Variants in GLG1 observed in about 807,000 individuals in gnomAD.
GLG1 encodes Golgi apparatus protein 1.
Under a neutral mutation model 160.5 loss-of-function variants are expected in GLG1, and 38 were observed. The ratio of observed to expected loss-of-function variants is 0.24; its 90% CI spans 0.18 to 0.31. The LOEUF is 0.31. Among genes scored for constraint, GLG1 ranks in the 10% least tolerant of loss-of-function variants. The pLI is 1.00. For synonymous variants in GLG1, 644 were observed against 543.4 expected (o/e 1.19, Z -2.57); for missense variants, 1,373 against 1,505.2 (o/e 0.91, Z 1.45).
chr16:74,577,602 G>A (rs936450679), intron 1 of GLG1, among the ~76,000 whole-genome samples: 10 of 150,750 alleles, frequency 6.6e-5, no homozygotes, highest in African/African-American at 2.4e-4. Context: ...GACTTCACAC[G>A]AAAACATTCT....
intron 2 of GLG1, among the ~76,000 whole-genome samples, chr16:74,526,720 T>C (rs1277671932): frequency 1.3e-5 from 2 of 152,102 alleles, no homozygotes; most frequent in Non-Finnish European, 2.9e-5. Flanking sequence ...CAAGACCTTG[T>C]CTCAAAAAGC....
intron 19 of GLG1, chr16:74,463,928 A>C (rs1159161189): frequency 5.3e-6 from 1 of 187,172 alleles, no homozygotes; most frequent in East Asian, 1.4e-4. Flanking sequence ...GTAGAAGAAC[A>C]AATAAATCTG....
intron 20 of GLG1, 57 bp from the exon 21 acceptor site, chr16:74,462,687 T>C: frequency 6.6e-7 from 1 of 1,523,478 alleles, no homozygotes; most frequent in South Asian, 1.1e-5. Context: ...CACACATTTT[T>C]AGATATCCAC....
At chr16:74,475,222 A>G (rs973306800) in intron 12 of GLG1, among the ~76,000 whole-genome samples, 2 of 151,916 alleles carry the variant, frequency 1.3e-5, no homozygotes, top group Non-Finnish European at 2.9e-5. Context: ...CTACAAGTGC[A>G]AGGAGAATCA....
intron 2 of GLG1, among the ~76,000 whole-genome samples, chr16:74,529,778 C>T (rs1270659437): frequency 1.4e-5 from 2 of 139,612 alleles, no homozygotes; most frequent in Non-Finnish European, 3.1e-5. Flanking sequence ...TCAGCAGTAT[C>T]GTATCCTTCC....
At position 74,494,775 on chromosome 16, in the gene GLG1, T is replaced by C. The variant is rs775179517; in HGVS notation, c.1035A>G (p.Glu345=). ...TAATACTTACCTTTTCACTCATGGATTCTTCAAATTTATGGTTAAAGAGGC... is the reference window on the plus strand; with the variant it reads ...TAATACTTACCTTTTCACTCATGGACTCTTCAAATTTATGGTTAAAGAGGC... ...YKCLFNHKFE[E]SMSEKCREAL... The change falls in exon 6 of 26, where the codon GAA becomes GAG. Residue 345 remains glutamate (E), a synonymous_variant. Transcript: ENST00000422840. 4.2e-6 allele frequency: 6 copies of C among 1,434,090 alleles called. No individual in the cohort carries two copies. In the East Asian group the frequency reaches 1.1e-4, roughly 27 times the overall value. 88.8% of individuals were successfully genotyped at this position (1,434,090 alleles called of 1,614,324 possible).
At chr16:74,465,567 T>C in intron 19 of GLG1, 109 bp downstream of exon 19, 4 of 1,117,080 alleles carry the variant, frequency 3.6e-6, no homozygotes, top group Non-Finnish European at 5.2e-6. Context: ...CTGCTGCTCG[T>C]CTAGGGACCA....
chr16:74,567,046 A>G (rs753354728), intron 1 of GLG1, among the ~76,000 whole-genome samples: 9 of 152,208 alleles, frequency 5.9e-5, no homozygotes, highest in Non-Finnish European at 1.2e-4. Context: ...GTCTTTGCCC[A>G]GAAAAAGAAT....
chr16:74,509,731 C>G (rs1447114117), intron 2 of GLG1, among the ~76,000 whole-genome samples: 1 of 151,738 alleles, frequency 6.6e-6, no homozygotes, highest in Non-Finnish European at 1.5e-5. Context: ...CGCCTGCAGT[C>G]CCAGCTACTC....
rs865965049 is a variant in GLG1, at chr16:74,463,367, G to C, written c.2780C>G (p.Thr927Ser). The C allele has an allele frequency of 3.1e-6, 5 of 1,613,960 alleles. No homozygotes were observed. The highest frequency in any genetic ancestry group is 4.2e-6 in the Non-Finnish European group (5 of 1,179,998). The change falls in exon 20 of 26, where the codon ACC (threonine) becomes AGC (serine). Residue 927 changes from threonine to serine, a missense_variant. Around this residue, in one of 4 missense-constraint regions of GLG1, gnomAD observed 491 missense variants for 632.1 expected, o/e 0.78. Transcript: ENST00000422840. ...AGCCAAGATCTTACCTGTGTTCTGG[G>C]TGATCTGGCGCTTGGTTATCATCTG... is the stretch of plus-strand genomic sequence containing the variant. ...CKQMITKRQITQNTDYRLNPM... is the reference protein window; with the variant it reads ...CKQMITKRQISQNTDYRLNPM...
In GLG1 at chr16:74,458,169, G is replaced by C. The variant is rs2014636368; in HGVS notation, c.3145-175C>G. 7.4e-6 allele frequency: 4 copies of C among 537,120 alleles called. No homozygotes were observed. The South Asian group carries it at 1.2e-4, about 16-fold the overall frequency. The allele number at this position is 537,120 out of a possible 1,614,324, so 33.3% of individuals were successfully genotyped here. A position where few individuals can be genotyped will look rare whatever the true frequency, so the allele number is the denominator to read the frequency against. On this transcript the variant is annotated intron_variant, in intron 23 of 25. Transcript: ENST00000422840. Reference sequence around the variant, plus strand: ...GATGTACAGAATGCAGAATTTAATTGAGTAACTAACTACTTTTAGGGATAC... The same window carrying C: ...GATGTACAGAATGCAGAATTTAATTCAGTAACTAACTACTTTTAGGGATAC...
intron 1 of GLG1, among the ~76,000 whole-genome samples, chr16:74,578,097 T>C (rs971966014): frequency 6.6e-6 from 1 of 152,264 alleles, no homozygotes; most frequent in East Asian, 1.9e-4. Context: ...ACAATTTTGG[T>C]TGTCTGAGGT....
chr16:74,550,066 CA>C (rs2018156940), intron 1 of GLG1, among the ~76,000 whole-genome samples: 1 of 152,228 alleles, frequency 6.6e-6, no homozygotes, highest in Non-Finnish European at 1.5e-5. Context: ...TGCAATGAGC[CA>C]TGATCACACC....
At chr16:74,462,263 T>G (rs1456811757) in intron 21 of GLG1, 68 bp from the exon 22 acceptor site, 2 of 857,162 alleles carry the variant, frequency 2.3e-6, no homozygotes, top group African/African-American at 1.8e-5. Context: ...AAGCAGGACA[T>G]GAAAAAAAAA....
In GLG1 at chr16:74,493,039, C is replaced by T; in HGVS notation, c.1152G>A (p.Arg384=). 2 of 1,613,834 alleles carry T rather than the reference C, an allele frequency of 1.2e-6. No individual in the cohort carries two copies. Among genetic ancestry groups the T allele is most frequent in the Non-Finnish European group, 8.5e-7 (1 of 1,179,778 alleles). The part of the protein sequence containing the change: ...KSCKSDLKKY[R]CNVENLPRSR... ...ATCGCGGAAGGTTTTCCACATTGCA[C>T]CGGTATTTCTTCAAGTCACTTTTAC... The change falls in exon 7 of 26, where the codon CGG becomes CGA. Residue 384 remains arginine, a synonymous_variant. Coordinates refer to ENST00000422840, the MANE Select transcript of GLG1 (RefSeq NM_001145667.2).
At position 74,480,319 on chromosome 16, in the gene GLG1, G is replaced by C; in HGVS notation, c.1749C>G (p.Thr583=). The change falls in exon 11 of 26, where the codon ACC becomes ACG. Residue 583 remains threonine (T), a synonymous_variant. Coordinates refer to ENST00000422840, the MANE Select transcript of GLG1 (RefSeq NM_001145667.2). ...CAGCTCCCTGAGGCATAAATTCACT[G>C]GTCTCATTCCAACCGTGGGTGTGGC... is the stretch of plus-strand genomic sequence containing the variant. ...RLCHTHGWNE[T]SEFMPQGAVF... is the part of the protein sequence containing the mutation. 1.2e-6 allele frequency: 2 copies of C among 1,612,524 alleles called. No individual in the cohort carries two copies. The highest frequency in any genetic ancestry group is 1.7e-6 in the Non-Finnish European group (2 of 1,178,490).
At chr16:74,510,752 T>C (rs926080061) in intron 2 of GLG1, among the ~76,000 whole-genome samples, 1 of 152,056 alleles carries the variant, frequency 6.6e-6, no homozygotes. Flanking sequence ...AACTGGTGGA[T>C]AAAACATAAG....
chr16:74,599,946 A>G (rs1958400195), intron 1 of GLG1, among the ~76,000 whole-genome samples: 1 of 151,964 alleles, frequency 6.6e-6, no homozygotes, highest in Non-Finnish European at 1.5e-5. Flanking sequence ...AGCCAGGAGA[A>G]TCGCTTGAAT....
At chr16:74,503,793 A>G (rs1176223344) in intron 3 of GLG1, 47 bp from the exon 4 acceptor site, 1 of 1,150,792 alleles carries the variant, frequency 8.7e-7, no homozygotes, top group Non-Finnish European at 1.3e-6. Flanking sequence ...CCATGCTCGT[A>G]TCAAACAATA....
Sources: gnomAD v4.1 joint callset for allele counts (sites outside exome capture counted in the v4.1 genomes callset) on GRCh38, gnomAD v4.1.1 for gene constraint, gnomAD v4.1.1 regional missense constraint, MANE v1.5 for transcripts, NCBI Gene and HGNC (gene_info 2026-07-23, HGNC 2026-07-21) for gene names.